Variants in PCDHB13 observed in about 807,000 individuals in gnomAD.
PCDHB13 encodes protocadherin beta-13.
For missense variants in PCDHB13, 1,065 were observed against 1,016.7 expected (o/e 1.05, Z -0.65); for synonymous variants, 515 against 450.7 (o/e 1.14, Z -1.81).
Position 141,215,120 on chromosome 5 carries a change from A to G in PCDHB13, c.997A>G (p.Thr333Ala). Reference sequence around the variant, plus strand: ...TGCTGGAACCTTTTCTGGAAAATGCACCGTTCTGATTCAAGTGATAGATGT... The same window carrying G: ...TGCTGGAACCTTTTCTGGAAAATGCGCCGTTCTGATTCAAGTGATAGATGT... ...RDAGTFSGKC[T>A]VLIQVIDVND... Residue 333 changes from threonine (T) to alanine (A), a missense_variant, in exon 1 of 1, where the codon ACC becomes GCC. Coordinates refer to ENST00000341948, the MANE Select transcript of PCDHB13 (RefSeq NM_018933.4). 1.2e-6 allele frequency: 2 copies of G among 1,614,140 alleles called. No homozygotes were observed. The highest frequency in any genetic ancestry group is 1.7e-5 in the Admixed American group (1 of 60,014).
rs782499104 is a variant in PCDHB13, at chr5:141,214,532, A to G, written c.409A>G (p.Lys137Glu). The G allele has an allele frequency of 7.4e-6, 12 of 1,613,752 alleles. No individual in the cohort carries two copies. Among genetic ancestry groups the G allele is most frequent in the South Asian group, 1.1e-5 (1 of 91,042 alleles). Reference protein sequence around the residue: ...INDHSPVFLDKQMLVKVSESS... With the variant: ...INDHSPVFLDEQMLVKVSESS... Reference sequence around the variant, plus strand: ...CGACCACTCTCCAGTATTTCTGGACAAACAAATGTTGGTGAAAGTATCAGA... The same window carrying G: ...CGACCACTCTCCAGTATTTCTGGACGAACAAATGTTGGTGAAAGTATCAGA... Residue 137 changes from lysine to glutamate, a missense_variant, in exon 1 of 1, where the codon AAA becomes GAA. By Grantham distance (56) the Lys-to-Glu change is moderately conservative. Coordinates refer to ENST00000341948, the MANE Select transcript of PCDHB13 (RefSeq NM_018933.4).
At position 141,215,703 on chromosome 5, in the gene PCDHB13, T is replaced by A; in HGVS notation, c.1580T>A (p.Phe527Tyr). The A allele has an allele frequency of 6.2e-7, 1 of 1,612,828 alleles. No homozygotes were observed. Among genetic ancestry groups the A allele is most frequent in the Non-Finnish European group, 8.5e-7 (1 of 1,179,896 alleles). The change falls in exon 1 of 1, where the codon TTC becomes TAC. Residue 527 changes from phenylalanine to tyrosine, a missense_variant. Physicochemically the swap from Phe to Tyr is conservative, Grantham distance 22. Coordinates refer to ENST00000341948, the MANE Select transcript of PCDHB13 (RefSeq NM_018933.4). ...RSLDYEALQG[F>Y]QFRVGASDHG... ...CTGGACTACGAGGCCCTGCAGGGGT[T>A]CCAGTTCCGCGTGGGCGCTTCAGAC...
In PCDHB13 at chr5:141,216,407, A is replaced by G; in HGVS notation, c.2284A>G (p.Asn762Asp). 3 of 1,614,002 alleles carry G rather than the reference A, an allele frequency of 1.9e-6. No individual in the cohort carries two copies. The highest frequency in any genetic ancestry group is 2.5e-6 in the Non-Finnish European group (3 of 1,179,996). Reference protein sequence around the residue: ...EVCLAGGSGTNEFKFLKPIIP... With the variant: ...EVCLAGGSGTDEFKFLKPIIP... ...GTGTCTGGCAGGAGGCTCAGGGACC[A>G]ATGAGTTCAAGTTCCTGAAGCCGAT... is the stretch of plus-strand genomic sequence containing the variant. Residue 762 changes from asparagine to aspartate, a missense_variant, in exon 1 of 1, where the codon AAT becomes GAT. Coordinates refer to ENST00000341948, the MANE Select transcript of PCDHB13 (RefSeq NM_018933.4).
chr5:141,216,349 C>G lies in PCDHB13; in HGVS notation c.2226C>G (p.Thr742=), dbSNP rs1554288189. ...LPGHLVDMSG[T]RTLSQSYQYE... Reference sequence around the variant, plus strand: ...GGCATCTTGTGGACATGAGCGGCACCAGGACCCTATCCCAGAGCTACCAGT... The same window carrying G: ...GGCATCTTGTGGACATGAGCGGCACGAGGACCCTATCCCAGAGCTACCAGT... The change falls in exon 1 of 1, where the codon ACC becomes ACG. Residue 742 remains threonine, a synonymous_variant. Transcript: ENST00000341948. 6.2e-7 allele frequency: 1 copy of G among 1,614,174 alleles called. No homozygotes were observed. Among genetic ancestry groups the G allele is most frequent in the Non-Finnish European group, 8.5e-7 (1 of 1,180,048 alleles).
In PCDHB13 at chr5:141,218,701, A is replaced by T. The variant is rs1754667961; in HGVS notation, c.*2181A>T. Reference sequence around the variant, plus strand: ...GAGTGCAGTGGCGCGATCTCGGCTCACTGCAAGCTCCGCCTCCTGGGTTCC... The same window carrying T: ...GAGTGCAGTGGCGCGATCTCGGCTCTCTGCAAGCTCCGCCTCCTGGGTTCC... On this transcript the variant is annotated 3_prime_UTR_variant, in exon 1 of 1. Transcript: ENST00000341948. 1 of 155,844 alleles carries T rather than the reference A, an allele frequency of 6.4e-6. No individual in the cohort carries two copies. The highest frequency in any genetic ancestry group is 1.5e-5 in the Non-Finnish European group (1 of 68,194). The allele number at this position is 155,844 out of a possible 1,614,324, so 9.7% of individuals were successfully genotyped here. A position where few individuals can be genotyped will look rare whatever the true frequency, so the allele number is the denominator to read the frequency against.
Position 141,215,007 on chromosome 5 carries a change from T to G in PCDHB13, c.884T>G (p.Ile295Ser). 2 of 1,614,070 alleles carry G rather than the reference T, an allele frequency of 1.2e-6. No homozygotes were observed. Among genetic ancestry groups the G allele is most frequent in the Middle Eastern group, 1.7e-4 (1 of 6,060 alleles). ...ASEEIGKTFK[I>S]NPLTGEIELK... is the part of the protein sequence containing the mutation. ...GAAGAGATTGGCAAAACCTTTAAGA[T>G]CAATCCCTTGACAGGAGAAATTGAA... is the stretch of plus-strand genomic sequence containing the variant. The change falls in exon 1 of 1, where the codon ATC becomes AGC. Residue 295 changes from isoleucine (I) to serine (S), a missense_variant. Physicochemically the swap from Ile to Ser is moderately radical, Grantham distance 142 (BLOSUM62 -2). Transcript: ENST00000341948.
At position 141,215,721 on chromosome 5, in the gene PCDHB13, C is replaced by T; in HGVS notation, c.1598C>T (p.Ala533Val). The change falls in exon 1 of 1, where the codon GCT (alanine) becomes GTT (valine). Residue 533 changes from alanine (A) to valine (V), a missense_variant. Ala to Val is a moderately conservative substitution (Grantham distance 64, BLOSUM62 0). Coordinates refer to ENST00000341948, the MANE Select transcript of PCDHB13 (RefSeq NM_018933.4). Reference sequence around the variant, plus strand: ...CAGGGGTTCCAGTTCCGCGTGGGCGCTTCAGACCACGGCTCCCCGGCGCTG... The same window carrying T: ...CAGGGGTTCCAGTTCCGCGTGGGCGTTTCAGACCACGGCTCCCCGGCGCTG... The part of the protein sequence containing the change: ...ALQGFQFRVG[A>V]SDHGSPALSS... 2.5e-6 allele frequency: 4 copies of T among 1,612,548 alleles called. No individual in the cohort carries two copies. Among genetic ancestry groups the T allele is most frequent in the Non-Finnish European group, 3.4e-6 (4 of 1,179,886 alleles).
At position 141,215,464 on chromosome 5, in the gene PCDHB13, C is replaced by G. The variant is rs373463206; in HGVS notation, c.1341C>G (p.Asn447Lys). Residue 447 changes from asparagine (N) to lysine (K), a missense_variant, in exon 1 of 1, where the codon AAC becomes AAG. Asn to Lys is a moderately conservative substitution (Grantham distance 94). Transcript: ENST00000341948. ...MTVLIADVNDNAPAFTQTSYT... is the reference protein window; with the variant it reads ...MTVLIADVNDKAPAFTQTSYT... ...TGCTGATCGCCGATGTCAATGACAACGCTCCCGCCTTCACCCAAACCTCCT... is the reference window on the plus strand; with the variant it reads ...TGCTGATCGCCGATGTCAATGACAAGGCTCCCGCCTTCACCCAAACCTCCT... The G allele has an allele frequency of 1.2e-6, 2 of 1,614,144 alleles. No individual in the cohort carries two copies. The highest frequency in any genetic ancestry group is 1.1e-5 in the South Asian group (1 of 91,074).
chr5:141,216,616 G>T lies in PCDHB13; in HGVS notation c.*96G>T. ...AATTTGTGTGTATGTAATATTGTAC[G>T]GATTTACTCTTGATTTTTCTCATGT... is the stretch of plus-strand genomic sequence containing the variant. On this transcript the variant is annotated 3_prime_UTR_variant, in exon 1 of 1. Coordinates refer to ENST00000341948, the MANE Select transcript of PCDHB13 (RefSeq NM_018933.4). 1 of 1,050,356 alleles carries T rather than the reference G, an allele frequency of 9.5e-7. No individual in the cohort carries two copies. Among genetic ancestry groups the T allele is most frequent in the Non-Finnish European group, 1.5e-6 (1 of 665,860 alleles). 65.1% of individuals were successfully genotyped at this position (1,050,356 alleles called of 1,614,324 possible).
rs782619333 is a variant in PCDHB13 at position 141,215,100 on chromosome 5, G to C, written c.977G>C (p.Gly326Ala). The C allele has an allele frequency of 4.3e-6, 7 of 1,614,156 alleles. No homozygotes were observed. Among genetic ancestry groups the C allele is most frequent in the South Asian group, 2.2e-5 (2 of 91,072 alleles). Reference sequence around the variant, plus strand: ...GTCAATATTGAGGCAAGAGATGCTGGAACCTTTTCTGGAAAATGCACCGTT... The same window carrying C: ...GTCAATATTGAGGCAAGAGATGCTGCAACCTTTTCTGGAAAATGCACCGTT... ...YEVNIEARDA[G>A]TFSGKCTVLI... The change falls in exon 1 of 1, where the codon GGA becomes GCA. Residue 326 changes from glycine (G) to alanine (A), a missense_variant. Physicochemically the swap from Gly to Ala is moderately conservative, Grantham distance 60. Transcript: ENST00000341948.
rs1754624303 is a variant in PCDHB13 at position 141,216,651 on chromosome 5, C to T, written c.*131C>T. The T allele has an allele frequency of 1.1e-6, 1 of 896,050 alleles. No homozygotes were observed. Among genetic ancestry groups the T allele is most frequent in the South Asian group, 1.3e-5 (1 of 74,450 alleles). 55.5% of individuals were successfully genotyped at this position (896,050 alleles called of 1,614,324 possible). A position where few individuals can be genotyped will look rare whatever the true frequency, so the allele number is the denominator to read the frequency against. Reference sequence around the variant, plus strand: ...TTGATTTTTCTCATGTTCTTTCTCCCTTTGTTTTAAAGTGAACATTTACCT... The same window carrying T: ...TTGATTTTTCTCATGTTCTTTCTCCTTTTGTTTTAAAGTGAACATTTACCT... On this transcript the variant is annotated 3_prime_UTR_variant, in exon 1 of 1. Transcript: ENST00000341948.
rs1754517796 is a variant in PCDHB13, at chr5:141,214,149, G to A, written c.26G>A (p.Cys9Tyr). ...ATGGAGGCCAGCGGGAAGCTCATTT[G>A]CAGACAAAGGCAAGTCCTTTTTTCC... MEASGKLI[C>Y]RQRQVLFSFL... Residue 9 changes from cysteine to tyrosine, a missense_variant, in exon 1 of 1, where the codon TGC becomes TAC. Physicochemically the swap from Cys to Tyr is radical, Grantham distance 194. Transcript: ENST00000341948. 1.9e-6 allele frequency: 3 copies of A among 1,613,964 alleles called. No homozygotes were observed. The highest frequency in any genetic ancestry group is 4.5e-5 in the East Asian group (2 of 44,888).
rs781880624 is a variant in PCDHB13, at chr5:141,214,371, C to A, written c.248C>A (p.Ala83Glu). The A allele has an allele frequency of 1.9e-5, 27 of 1,390,982 alleles. No homozygotes were observed. The highest frequency in any genetic ancestry group is 2.6e-5 in the Non-Finnish European group (26 of 992,326). The allele number at this position is 1,390,982 out of a possible 1,614,324, so 86.2% of individuals were successfully genotyped here. A position where few individuals can be genotyped will look rare whatever the true frequency, so the allele number is the denominator to read the frequency against. Residue 83 changes from alanine (A) to glutamate (E), a missense_variant, in exon 1 of 1, where the codon GCG becomes GAG. Physicochemically the swap from Ala to Glu is moderately radical, Grantham distance 107. Coordinates refer to ENST00000341948, the MANE Select transcript of PCDHB13 (RefSeq NM_018933.4). The part of the protein sequence containing the change: ...KLHLQLNQET[A>E]DLLLNEKLDR... The stretch of plus-strand genomic sequence containing the variant: ...CATTTGCAGCTCAATCAGGAGACCG[C>A]GGATTTGTTGCTAAATGAGAAATTG...
chr5:141,214,815 T>G lies in PCDHB13; in HGVS notation c.692T>G (p.Ile231Ser), dbSNP rs782562899. The G allele has an allele frequency of 6.2e-7, 1 of 1,614,230 alleles. No individual in the cohort carries two copies. The highest frequency in any genetic ancestry group is 8.5e-7 in the Non-Finnish European group (1 of 1,180,046). The change falls in exon 1 of 1, where the codon ATC becomes AGC. Residue 231 changes from isoleucine to serine, a missense_variant. Transcript: ENST00000341948. ...PPRSGTAQVY[I>S]EVLDVNDNAP... ...AGATCTGGCACTGCTCAGGTCTACA[T>G]CGAAGTCCTGGATGTCAACGATAAT...
rs200857606 is a variant in PCDHB13 at position 141,215,905 on chromosome 5, C to T, written c.1782C>T (p.Gly594=). 167 of 1,605,988 alleles carry T rather than the reference C, an allele frequency of 1.0e-4. No homozygotes were observed. Among genetic ancestry groups the T allele is most frequent in the Middle Eastern group, 2.2e-4 (1 of 4,448 alleles). The change falls in exon 1 of 1, where the codon GGC becomes GGT. Residue 594 remains glycine, a synonymous_variant. Transcript: ENST00000341948. ...TGACCAAGGTGGTGGCGGTGGACGG[C>T]GACTCGGGCCAGAACGCCTGGCTGT... ...YLVTKVVAVD[G]DSGQNAWLSY... is the part of the protein sequence containing the mutation.
rs1454984990 is a variant in PCDHB13 at position 141,216,837 on chromosome 5, T to G, written c.*317T>G. On this transcript the variant is annotated 3_prime_UTR_variant, in exon 1 of 1. Coordinates refer to ENST00000341948, the MANE Select transcript of PCDHB13 (RefSeq NM_018933.4). ...CTATTATGCTTATGGTAAAATTAAA[T>G]AGAGCAATTTGGAAGTGATTCCAAT... 1 of 374,628 alleles carries G rather than the reference T, an allele frequency of 2.7e-6. No individual in the cohort carries two copies. Among genetic ancestry groups the G allele is most frequent in the Non-Finnish European group, 5.1e-6 (1 of 196,008 alleles). 23.2% of individuals were successfully genotyped at this position (374,628 alleles called of 1,614,324 possible). A position where few individuals can be genotyped will look rare whatever the true frequency, so the allele number is the denominator to read the frequency against.
Position 141,216,150 on chromosome 5 carries a change from C to T in PCDHB13, c.2027C>T (p.Ala676Val). 1 of 1,611,480 alleles carries T rather than the reference C, an allele frequency of 6.2e-7. No homozygotes were observed. Among genetic ancestry groups the T allele is most frequent in the South Asian group, 1.1e-5 (1 of 91,024 alleles). ...CAGCCCTACCTGCCTCTCCCGGAGGCGGCCCCGACCCAGGCCCAGGCCGAC... is the reference window on the plus strand; with the variant it reads ...CAGCCCTACCTGCCTCTCCCGGAGGTGGCCCCGACCCAGGCCCAGGCCGAC... ...FSQPYLPLPE[A>V]APTQAQADLL... is the part of the protein sequence containing the mutation. The change falls in exon 1 of 1, where the codon GCG becomes GTG. Residue 676 changes from alanine to valine, a missense_variant. Transcript: ENST00000341948.
rs1554287752 is a variant in PCDHB13, at chr5:141,214,926, C to T, written c.803C>T (p.Thr268Met). 3 of 1,614,058 alleles carry T rather than the reference C, an allele frequency of 1.9e-6. No homozygotes were observed. Among genetic ancestry groups the T allele is most frequent in the African/African-American group, 2.7e-5 (2 of 74,924 alleles). The change falls in exon 1 of 1, where the codon ACG (threonine) becomes ATG (methionine). Residue 268 changes from threonine (T) to methionine (M), a missense_variant. Transcript: ENST00000341948. ...VGFLVVKVSA[T>M]DVDTGVNGEI... ...TTCCTGGTTGTGAAGGTCTCTGCCA[C>T]GGATGTAGACACAGGAGTCAACGGA...
chr5:141,216,625 C>A lies in PCDHB13; in HGVS notation c.*105C>A. On this transcript the variant is annotated 3_prime_UTR_variant, in exon 1 of 1. Coordinates refer to ENST00000341948, the MANE Select transcript of PCDHB13 (RefSeq NM_018933.4). ...GTATGTAATATTGTACGGATTTACT[C>A]TTGATTTTTCTCATGTTCTTTCTCC... 1 of 995,046 alleles carries A rather than the reference C, an allele frequency of 1.0e-6. No individual in the cohort carries two copies. The highest frequency in any genetic ancestry group is 1.6e-6 in the Non-Finnish European group (1 of 616,082). The allele number at this position is 995,046 out of a possible 1,614,324, so 61.6% of individuals were successfully genotyped here.
Sources: gnomAD v4.1 joint callset for allele counts on GRCh38, gnomAD v4.1.1 for gene constraint, MANE v1.5 for transcripts, NCBI Gene and HGNC (gene_info 2026-07-23, HGNC 2026-07-21) for gene names.